RPL5: variants seen among roughly 807,000 people sequenced by gnomAD.
RPL5 encodes ribosomal protein L5.
In RPL5, 1 loss-of-function variant was observed where a neutral mutation model predicts 38.4. The observed-to-expected ratio is 0.03, with a 90% CI of 0.01 to 0.12. The LOEUF is 0.12. Ranked by LOEUF, RPL5 falls within the 10% of genes least tolerant of loss-of-function variation. RPL5 has a pLI of 1.00. For missense variants in RPL5, 243 were observed against 374.1 expected, an observed-to-expected ratio of 0.65 and a Z score of 2.89; for synonymous variants, 109 against 121.2, an observed-to-expected ratio of 0.90 and a Z score of 0.66.
chr1:92,832,176 G>GT, intron 1 of RPL5, 59 bp downstream of exon 1: 1 of 1,608,822 alleles, frequency 6.2e-7, no homozygotes. Context: ...TTTCTTGCCC[G>GT]TATGCCAGCC....
chr1:92,839,790 A>G (rs1687278872), intron 6 of RPL5, among the ~76,000 whole-genome samples: 1 of 152,152 alleles, frequency 6.6e-6, no homozygotes, highest in African/African-American at 2.4e-5. Context: ...AGAGTGACTC[A>G]AGAAGTGTGG....
intron 4 of RPL5, 167 bp downstream of exon 4, chr1:92,835,080 TAAA>T: frequency 1.0e-6 from 1 of 965,712 alleles, no homozygotes; most frequent in African/African-American, 1.6e-5. Flanking sequence ...CTCTTTCCAA[TAAA>T]ATTTTCTGCA....
chr1:92,834,112 G>A (rs1687023422), intron 3 of RPL5, among the ~76,000 whole-genome samples: 1 of 152,142 alleles, frequency 6.6e-6, no homozygotes, highest in Admixed American at 6.5e-5. Context: ...TATGTGTGTG[G>A]GGTGGGGAGA....
chr1:92,833,974 G>A (rs1225679588), intron 3 of RPL5: 3 of 356,652 alleles, frequency 8.4e-6, no homozygotes, highest in East Asian at 1.4e-4. Flanking sequence ...TGGGCATGGC[G>A]GGGCGCACCT....
chr1:92,837,040 G>A (rs75670163), intron 5 of RPL5: 6 of 289,150 alleles, frequency 2.1e-5, no homozygotes, highest in Middle Eastern at 1.3e-3. Context: ...GGAGGTGGGT[G>A]GGGGGAGTTA....
chr1:92,833,526 A>G lies in RPL5; in HGVS notation c.74-19A>G, dbSNP rs757146931. 30 of 1,612,578 alleles carry G rather than the reference A, an allele frequency of 1.9e-5. No individual in the cohort carries two copies. The highest frequency in any genetic ancestry group is 2.5e-5 in the Non-Finnish European group (30 of 1,178,686). On this transcript the variant is annotated intron_variant, in intron 2 of 7. Coordinates refer to ENST00000370321, the MANE Select transcript of RPL5 (RefSeq NM_000969.5). ...AGATGCAGTGGAGTATCCTTTCTACAATTATTTTTTTCTTTCAGAGGGTAA... is the reference window on the plus strand; with the variant it reads ...AGATGCAGTGGAGTATCCTTTCTACGATTATTTTTTTCTTTCAGAGGGTAA...
At chr1:92,834,226 AGGT>A (rs1687029791) in intron 3 of RPL5, among the ~76,000 whole-genome samples, 2 of 152,338 alleles carry the variant, frequency 1.3e-5, no homozygotes, top group Admixed American at 1.3e-4. Flanking sequence ...ACCACTGAAA[AGGT>A]AGTTGTGAAT....
At chr1:92,835,295 C>T (rs1419266748) in intron 4 of RPL5, 4 of 328,666 alleles carry the variant, frequency 1.2e-5, no homozygotes, top group Non-Finnish European at 2.4e-5. Flanking sequence ...GGGAACTCCA[C>T]TCTAGACCTT....
chr1:92,832,886 T>G, intron 1 of RPL5: 1 of 644,814 alleles, frequency 1.6e-6, no homozygotes. Context: ...AAACATAACA[T>G]GGGAAGCGAG....
chr1:92,832,284 C>T, intron 1 of RPL5, 167 bp downstream of exon 1: 1 of 1,072,634 alleles, frequency 9.3e-7, no homozygotes, highest in Non-Finnish European at 1.4e-6. Context: ...AAATGGCTGC[C>T]GCCCGGTGCG....
chr1:92,837,940 T>C lies in RPL5; in HGVS notation c.705+307T>C, dbSNP rs575663711. Among the ~76,000 whole-genome samples, 10 of 152,364 alleles carry C rather than the reference T, an allele frequency of 6.6e-5. No homozygotes were observed. In the East Asian group the frequency reaches 1.9e-3, roughly 29 times the overall value. The stretch of plus-strand genomic sequence containing the variant: ...AAACTTCACTTATTTTGATACCATC[T>C]GGGAGGAAAGCTCTTCATAGCATAT... On this transcript the variant is annotated intron_variant, in intron 6 of 7. Transcript: ENST00000370321.
intron 6 of RPL5, 144 bp downstream of exon 6, chr1:92,837,777 T>A (rs1687186031): frequency 1.4e-6 from 1 of 709,022 alleles, no homozygotes; most frequent in Non-Finnish European, 2.5e-6. Flanking sequence ...TAGTAATCTT[T>A]TAGATGCTCA....
chr1:92,841,617 G>A, intron 7 of RPL5, 149 bp from the exon 8 acceptor site: 3 of 477,164 alleles, frequency 6.3e-6, no homozygotes, highest in Non-Finnish European at 1.1e-5. Flanking sequence ...TCATACATAA[G>A]TAAATGTATT....
At chr1:92,841,634 TG>T (rs2100699727) in intron 7 of RPL5, 131 bp from the exon 8 acceptor site, 2 of 542,820 alleles carry the variant, frequency 3.7e-6, no homozygotes, top group Non-Finnish European at 6.0e-6. Flanking sequence ...TATTTGAACT[TG>T]GATTATTTAA....
At chr1:92,839,350 C>T (rs566995199) in intron 6 of RPL5, among the ~76,000 whole-genome samples, 15 of 152,230 alleles carry the variant, frequency 9.9e-5, no homozygotes, top group Non-Finnish European at 1.5e-4. Context: ...CAGAGCGAGA[C>T]TTCATGTCAA....
chr1:92,833,995 C>T (rs1687019508), intron 3 of RPL5: 1 of 333,542 alleles, frequency 3.0e-6, no homozygotes, highest in Non-Finnish European at 5.7e-6. Context: ...GTAGTCCCAG[C>T]TACTCAGTGG....
Position 92,840,560 on chromosome 1 carries a change from A to T in RPL5, c.715A>T (p.Met239Leu). ...NSVTPDMMEE[M>L]YKKAHAAIRE... ...CTTTCCTTTGTTTCAGATGGAGGAG[A>T]TGTATAAGAAAGCTCATGCTGCTAT... is the stretch of plus-strand genomic sequence containing the variant. Residue 239 changes from methionine to leucine, a missense_variant, in exon 7 of 8, where the codon ATG (methionine) becomes TTG (leucine). Coordinates refer to ENST00000370321, the MANE Select transcript of RPL5 (RefSeq NM_000969.5). 1 of 1,612,396 alleles carries T rather than the reference A, an allele frequency of 6.2e-7. No homozygotes were observed. The highest frequency in any genetic ancestry group is 8.5e-7 in the Non-Finnish European group (1 of 1,179,208).
intron 6 of RPL5, 28 bp from the exon 7 acceptor site, chr1:92,840,523 A>G (rs917607863): frequency 6.4e-7 from 1 of 1,553,262 alleles, no homozygotes; most frequent in African/African-American, 1.4e-5. Context: ...AAATGAAACC[A>G]AGTACTGTTT....
At chr1:92,840,509 C>A (rs1052323462) in intron 6 of RPL5, 42 bp from the exon 7 acceptor site, 1 of 1,429,496 alleles carries the variant, frequency 7.0e-7, no homozygotes, top group African/African-American at 1.4e-5. Flanking sequence ...TAGTAGGGCA[C>A]ATGAAATGAA....
Sources: allele counts gnomAD v4.1 joint callset (sites outside exome capture counted in the v4.1 genomes callset), GRCh38; gene constraint gnomAD v4.1.1; transcripts MANE v1.5; gene names NCBI Gene and HGNC (gene_info 2026-07-23, HGNC 2026-07-21).